Variants in MAP9 observed in about 807,000 individuals in gnomAD.
MAP9 encodes microtubule-associated protein 9.
In MAP9, 80 loss-of-function variants were observed where a neutral mutation model predicts 75.2. The observed-to-expected ratio is 1.06, with a 90% CI of 0.89 to 1.28. The LOEUF is 1.28. Among genes scored for constraint, MAP9 ranks in the 50% most tolerant of loss-of-function variants. The pLI, the probability that MAP9 is intolerant of heterozygous loss-of-function variation, is 0.00. For synonymous variants in MAP9, 235 were observed against 237.3 expected (o/e 0.99, Z 0.09); for missense variants, 753 against 719.9 (o/e 1.05, Z -0.53).
intron 7 of MAP9, among the ~76,000 whole-genome samples, chr4:155,359,645 T>C (rs1731975135): frequency 6.6e-6 from 1 of 152,066 alleles, no homozygotes; most frequent in South Asian, 2.1e-4. Context: ...GTTCATTATT[T>C]TGAAAATTAG....
At chr4:155,364,794 C>T (rs1732250260) in intron 5 of MAP9, among the ~76,000 whole-genome samples, 1 of 151,072 alleles carries the variant, frequency 6.6e-6, no homozygotes, top group Non-Finnish European at 1.5e-5. Context: ...TGAAACAATA[C>T]AATATCAATT....
chr4:155,371,799 C>T (rs1475086605), intron 4 of MAP9, among the ~76,000 whole-genome samples: 2 of 151,658 alleles, frequency 1.3e-5, no homozygotes, highest in African/African-American at 4.9e-5. Flanking sequence ...TATACATCCA[C>T]CTGTCTCAGA....
At chr4:155,370,189 C>A (rs1026795788) in intron 4 of MAP9, among the ~76,000 whole-genome samples, 5 of 152,166 alleles carry the variant, frequency 3.3e-5, no homozygotes, top group Non-Finnish European at 5.9e-5. Context: ...CCTATCAATT[C>A]TAATTGCCAA....
Position 155,357,477 on chromosome 4 carries a change from T to C in MAP9, c.1093A>G (p.Asn365Asp). The change falls in exon 8 of 14, where the codon AAT (asparagine) becomes GAT (aspartate). Residue 365 changes from asparagine to aspartate, a missense_variant. Asn to Asp is a conservative substitution (Grantham distance 23, BLOSUM62 1). Coordinates refer to ENST00000311277, the MANE Select transcript of MAP9 (RefSeq NM_001039580.2). ...GCAGATGCACTGGATGCTCTATTAT[T>C]TGTTGACTTTTTATTCTTTATATTT... ...DRNIKNKKST[N>D]NRASSASARL... is the part of the protein sequence containing the mutation. 1 of 1,561,876 alleles carries C rather than the reference T, an allele frequency of 6.4e-7. No homozygotes were observed. Among genetic ancestry groups the C allele is most frequent in the East Asian group, 2.2e-5 (1 of 44,502 alleles).
Position 155,355,842 on chromosome 4 carries a change from C to T in MAP9, c.1164G>A (p.Arg388=). 6.2e-7 allele frequency: 1 copy of T among 1,613,456 alleles called. No homozygotes were observed. The highest frequency in any genetic ancestry group is 8.5e-7 in the Non-Finnish European group (1 of 1,179,646). ...AAGAGGTAGTTGTCGATGGAGTTCT[C>T]CTTTTAGAACTAGATTTCTTCAAAA... ...SEFLKKSSSK[R]RTPSTTTSSH... is the part of the protein sequence containing the mutation. The change falls in exon 9 of 14, where the codon AGG becomes AGA. Residue 388 remains arginine, a synonymous_variant. Transcript: ENST00000311277.
intron 8 of MAP9, among the ~76,000 whole-genome samples, chr4:155,356,487 GAAA>G: frequency 6.6e-6 from 1 of 151,980 alleles, no homozygotes. Context: ...AGAAACTTAA[GAAA>G]TATGGACCAC....
chr4:155,368,690 T>C lies in MAP9; in HGVS notation c.604A>G (p.Ser202Gly), dbSNP rs1381178930. ...DGLEDKETAL[S>G]EELELHSAPS... ...GCAGAATGTAACTCCAATTCTTCAC[T>C]GAGGGCAGTTTCTTTATCTTCTAGT... The change falls in exon 5 of 14, where the codon AGT (serine) becomes GGT (glycine). Residue 202 changes from serine to glycine, a missense_variant. Physicochemically the swap from Ser to Gly is moderately conservative, Grantham distance 56 (BLOSUM62 0). Coordinates refer to ENST00000311277, the MANE Select transcript of MAP9 (RefSeq NM_001039580.2). 2.5e-6 allele frequency: 4 copies of C among 1,614,048 alleles called. No homozygotes were observed. The highest frequency in any genetic ancestry group is 3.4e-6 in the Non-Finnish European group (4 of 1,179,972).
At chr4:155,367,286 A>C (rs1056796248) in intron 5 of MAP9, 6 of 152,250 alleles carry the variant, frequency 3.9e-5, no homozygotes, top group Non-Finnish European at 8.8e-5. Context: ...AACACAGGGA[A>C]GAAGGCCACA....
chr4:155,362,309 G>C (rs1732126234), intron 5 of MAP9, 168 bp from the exon 6 acceptor site: 2 of 503,218 alleles, frequency 4.0e-6, no homozygotes, highest in Non-Finnish European at 6.9e-6. Flanking sequence ...ATGGAGGTAA[G>C]CATGCTTTAC....
intron 13 of MAP9, among the ~76,000 whole-genome samples, chr4:155,348,792 C>T (rs995741687): frequency 1.3e-5 from 2 of 152,122 alleles, no homozygotes; most frequent in Non-Finnish European, 2.9e-5. Context: ...GATATCTTTG[C>T]ATCAAACATT....
rs1322707436 is a variant in MAP9, at chr4:155,352,745, A to T, written c.1689-17T>A. ...TTTTCATTCCTATAGAGCATAGTAT[A>T]AAACACTGGAGAGTTAAAGGAAAAT... On this transcript the variant is annotated splice_polypyrimidine_tract_variant and intron_variant, in intron 12 of 13. Transcript: ENST00000311277. 2 of 1,533,410 alleles carry T rather than the reference A, an allele frequency of 1.3e-6. No homozygotes were observed. The highest frequency in any genetic ancestry group is 4.1e-5 in the Admixed American group (2 of 48,402). The allele number at this position is 1,533,410 out of a possible 1,614,324, so 95.0% of individuals were successfully genotyped here. A position where few individuals can be genotyped will look rare whatever the true frequency, so the allele number is the denominator to read the frequency against.
intron 5 of MAP9, among the ~76,000 whole-genome samples, chr4:155,367,766 C>G (rs1040156538): frequency 1.3e-5 from 2 of 152,182 alleles, no homozygotes; most frequent in Admixed American, 1.3e-4. Flanking sequence ...TAGGGGGATT[C>G]CCCCATTTAG....
intron 13 of MAP9, among the ~76,000 whole-genome samples, 155 bp from the exon 14 acceptor site, chr4:155,348,060 G>T (rs1188016384): frequency 6.6e-6 from 1 of 152,154 alleles, no homozygotes; most frequent in Admixed American, 6.6e-5. Context: ...GTAGGGCCAG[G>T]CATGGTGGCT....
intron 5 of MAP9, chr4:155,367,661 G>A (rs1048065233): frequency 7.9e-5 from 12 of 152,322 alleles, no homozygotes; most frequent in Middle Eastern, 3.4e-3. Flanking sequence ...TCAGTTAGGC[G>A]TATATCAAAT....
chr4:155,349,797 T>C (rs1490242634), intron 13 of MAP9: 1 of 153,010 alleles, frequency 6.5e-6, no homozygotes, highest in African/African-American at 2.4e-5. Flanking sequence ...TCCACAGAAA[T>C]TGACTGAATA....
chr4:155,371,035 A>G (rs1732569882), intron 4 of MAP9, among the ~76,000 whole-genome samples: 1 of 152,190 alleles, frequency 6.6e-6, no homozygotes, highest in Admixed American at 6.5e-5. Flanking sequence ...TTAAAGGAGA[A>G]GCATCCTGAC....
chr4:155,369,698 G>A (rs183443019), intron 4 of MAP9, among the ~76,000 whole-genome samples: 1 of 152,298 alleles, frequency 6.6e-6, no homozygotes, highest in Non-Finnish European at 1.5e-5. Flanking sequence ...AGATGATGAT[G>A]TTGGCACTCA....
At chr4:155,354,527 G>T (rs1399823353) in intron 10 of MAP9, among the ~76,000 whole-genome samples, 1 of 138,690 alleles carries the variant, frequency 7.2e-6, no homozygotes, top group South Asian at 2.2e-4. Flanking sequence ...ACAGTGGCAC[G>T]ATCTCAGCTA....
At chr4:155,374,637 T>C (rs1207308825) in intron 3 of MAP9, among the ~76,000 whole-genome samples, 1 of 152,212 alleles carries the variant, frequency 6.6e-6, no homozygotes, top group African/African-American at 2.4e-5. Flanking sequence ...ACCTGTCTTC[T>C]TCAATGTGGT....
Sources: gnomAD v4.1 joint callset for allele counts (sites outside exome capture counted in the v4.1 genomes callset) on GRCh38, gnomAD v4.1.1 for gene constraint, MANE v1.5 for transcripts, NCBI Gene and HGNC (gene_info 2026-07-23, HGNC 2026-07-21) for gene names.